MACF1: variants seen among roughly 807,000 people sequenced by gnomAD.
MACF1 encodes microtubule-actin cross-linking factor 1.
A neutral mutation model predicts 854.8 loss-of-function variants in MACF1; 193 were observed. That is an observed-to-expected ratio of 0.23 (90% confidence interval 0.20 to 0.25). The LOEUF (loss-of-function observed/expected upper bound fraction) is 0.25. Among genes scored for constraint, MACF1 ranks in the 10% least tolerant of loss-of-function variants. MACF1 has a pLI of 1.00. For synonymous variants in MACF1, 3,185 were observed against 3,226.7 expected, an observed-to-expected ratio of 0.99 and a Z score of 0.44; for missense variants, 7,722 against 8,929.1, an observed-to-expected ratio of 0.86 and a Z score of 5.45.
intron 2 of MACF1, among the ~76,000 whole-genome samples, chr1:39,178,181 CTTTTTTT>C (rs67390335): frequency 7.3e-6 from 1 of 137,624 alleles, no homozygotes; most frequent in East Asian, 2.1e-4. Flanking sequence ...TTTCAACATT[CTTTTTTT>C]TTTTTTTTTG....
At chr1:39,252,598 G>A (rs1645053336) in intron 4 of MACF1, among the ~76,000 whole-genome samples, 1 of 151,694 alleles carries the variant, frequency 6.6e-6, no homozygotes, top group Non-Finnish European at 1.5e-5. Flanking sequence ...TCTTTTTCCA[G>A]AAACAAGGAT....
At chr1:39,301,089 C>T (rs575858258) in intron 22 of MACF1, among the ~76,000 whole-genome samples, 14 of 152,256 alleles carry the variant, frequency 9.2e-5, no homozygotes, top group African/African-American at 2.9e-4. Flanking sequence ...ACAAAGGATC[C>T]TACCACCAGC....
At chr1:39,452,949 A>C in intron 87 of MACF1, 137 bp downstream of exon 87, 44 of 949,698 alleles carry the variant, frequency 4.6e-5, no homozygotes, top group Non-Finnish European at 6.1e-5. Flanking sequence ...GCCCTAGCTC[A>C]TTGGTTTAGC....
chr1:39,137,712 A>C (rs1183365022), intron 2 of MACF1, among the ~76,000 whole-genome samples: 2 of 152,196 alleles, frequency 1.3e-5, no homozygotes, highest in African/African-American at 4.8e-5. Flanking sequence ...TTGGCAAGCA[A>C]GTAAGGATTG....
chr1:39,143,851 T>A (rs1315171090), intron 2 of MACF1, among the ~76,000 whole-genome samples: 1 of 152,140 alleles, frequency 6.6e-6, no homozygotes, highest in Admixed American at 6.5e-5. Flanking sequence ...CTTCACTCAC[T>A]GCAAGCTCCG....
chr1:39,455,596 A>G (rs1186061034), intron 89 of MACF1, among the ~76,000 whole-genome samples: 1 of 152,086 alleles, frequency 6.6e-6, no homozygotes, highest in Non-Finnish European at 1.5e-5. Context: ...ATTTGCCCAC[A>G]CTCAAGGGAG....
chr1:39,152,674 CTT>C (rs1446366481), intron 2 of MACF1, among the ~76,000 whole-genome samples: 1 of 152,188 alleles, frequency 6.6e-6, no homozygotes, highest in Admixed American at 6.5e-5. Flanking sequence ...CTATCTTGGA[CTT>C]TCTTTTTAAA....
Position 39,454,863 on chromosome 1 carries a change from G to A in MACF1, c.20887-46G>A, listed in dbSNP as rs1191925782. ...GAAAAAGGGCTTTGGAAACAAAGGG[G>A]GTATGCTTGACTGAAAGAGGCCATG... On this transcript the variant is annotated intron_variant, in intron 88 of 100. Coordinates refer to ENST00000564288, the MANE Select transcript of MACF1 (RefSeq NM_001394062.1). 1.2e-5 allele frequency: 19 copies of A among 1,520,262 alleles called. No homozygotes were observed. The Middle Eastern group carries it at 1.5e-3, about 120-fold the overall frequency. 94.2% of individuals were successfully genotyped at this position (1,520,262 alleles called of 1,614,324 possible). A position where few individuals can be genotyped will look rare whatever the true frequency, so the allele number is the denominator to read the frequency against.
At chr1:39,220,228 T>G (rs1306144221) in intron 1 of MACF1, among the ~76,000 whole-genome samples, 3 of 151,970 alleles carry the variant, frequency 2.0e-5, no homozygotes, top group African/African-American at 7.3e-5. Context: ...CAGGCTGGAG[T>G]GCAGTGGCAC....
chr1:39,381,143 C>T (rs12733452), intron 55 of MACF1, among the ~76,000 whole-genome samples: 1 of 151,804 alleles, frequency 6.6e-6, no homozygotes. Context: ...CCGCAACCTC[C>T]GCCTCCCAGG....
At chr1:39,347,784 C>G (rs1647088605) in intron 41 of MACF1, among the ~76,000 whole-genome samples, 1 of 151,960 alleles carries the variant, frequency 6.6e-6, no homozygotes, top group African/African-American at 2.4e-5. Flanking sequence ...AGTATAGTGC[C>G]CAGTGCTTAT....
chr1:39,463,262 G>A lies in MACF1; in HGVS notation c.21679-350G>A, dbSNP rs373292983. Among the ~76,000 whole-genome samples, 12 of 152,216 alleles carry A rather than the reference G, an allele frequency of 7.9e-5. 1 individual carries two copies. Among genetic ancestry groups the A allele is most frequent in the Admixed American group, 2.6e-4 (4 of 15,284 alleles). ...AGCACTTTGGGAGGCTGAGGCAGGC[G>A]GATCACCTGAGGTCGGGAGTTCAAG... On this transcript the variant is annotated intron_variant, in intron 93 of 100. Transcript: ENST00000564288.
At chr1:39,098,933 C>A (rs1641999671) in intron 2 of MACF1, among the ~76,000 whole-genome samples, 1 of 152,198 alleles carries the variant, frequency 6.6e-6, no homozygotes. Flanking sequence ...AGAAAGGGAG[C>A]TTTGGCTGGT....
At chr1:39,382,658 G>GA (rs1650337345) in intron 56 of MACF1, among the ~76,000 whole-genome samples, 1 of 150,354 alleles carries the variant, frequency 6.7e-6, no homozygotes, top group East Asian at 2.0e-4. Context: ...GTCCTGTCCG[G>GA]ACAGTAGAGC....
intron 3 of MACF1, among the ~76,000 whole-genome samples, chr1:39,251,229 C>T (rs1355035843): frequency 1.3e-5 from 2 of 151,916 alleles, no homozygotes; most frequent in Non-Finnish European, 1.5e-5. Context: ...CTAAAATTGA[C>T]AGAAGCTTTT....
chr1:39,340,840 C>T lies in MACF1; in HGVS notation c.10468C>T (p.Arg3490Ter), dbSNP rs773245746. The T allele has an allele frequency of 3.7e-6, 6 of 1,613,570 alleles. No individual in the cohort carries two copies. In the African/African-American group the frequency reaches 5.3e-5, roughly 14 times the overall value. The change falls in exon 40 of 101, where the codon CGA (arginine) becomes TGA (stop). Residue 3490 changes from arginine (R) to a stop codon, truncating the protein, a stop_gained. Transcript: ENST00000564288. LOFTEE classifies it high-confidence loss of function. ...AAATCAGCACACACAGCTAGAAGGC[C>T]GACTTCAAGATCTGAGAGCCTGGGT... ...VLNQHTQLEG[R>*]LQDLRAWVGN...
intron 2 of MACF1, among the ~76,000 whole-genome samples, chr1:39,191,462 A>G (rs931132577): frequency 3.3e-5 from 5 of 152,210 alleles, no homozygotes; most frequent in Admixed American, 1.3e-4. Flanking sequence ...AAGTTTAACT[A>G]CAACTGTTGT....
intron 43 of MACF1, 24 bp downstream of exon 43, chr1:39,351,042 A>G: frequency 6.4e-7 from 1 of 1,560,702 alleles, no homozygotes; most frequent in Non-Finnish European, 8.7e-7. Context: ...ATGACGCTTG[A>G]TATTTTTCAA....
intron 58 of MACF1, among the ~76,000 whole-genome samples, chr1:39,396,226 A>G (rs1642265636): frequency 1.3e-5 from 2 of 151,478 alleles, no homozygotes; most frequent in Non-Finnish European, 2.9e-5. Context: ...AGGCTGAGGC[A>G]GGAGAATCGC....
Sources: allele counts gnomAD v4.1 joint callset (sites outside exome capture counted in the v4.1 genomes callset), GRCh38; gene constraint gnomAD v4.1.1; transcripts MANE v1.5; gene names NCBI Gene and HGNC (gene_info 2026-07-23, HGNC 2026-07-21).